The following PRKN variants were observed in gnomAD, a reference collection of about 807,000 sequenced individuals.
The protein encoded by PRKN is E3 ubiquitin-protein ligase parkin.
A neutral mutation model predicts 59.5 loss-of-function variants in PRKN; 56 were observed. The observed-to-expected ratio is 0.94, with a 90% CI of 0.76 to 1.18. The LOEUF is 1.18. Ranked by LOEUF, PRKN falls within the 50% of genes most tolerant of loss-of-function variation. The probability of loss-of-function intolerance (pLI) is 0.00; values close to 1 mark genes in which losing one functional copy is unlikely to be tolerated. For synonymous variants in PRKN, 250 were observed against 222.1 expected (o/e 1.13, Z -1.12); for missense variants, 657 against 596.4 (o/e 1.10, Z -1.06).
chr6:161,906,596 G>C (rs1778151384), intron 6 of PRKN, among the ~76,000 whole-genome samples: 2 of 150,192 alleles, frequency 1.3e-5, no homozygotes, highest in South Asian at 4.2e-4. Context: ...CTAGGGATCA[G>C]GGTGAGTTAT....
At chr6:162,356,684 T>C (rs1438998987) in intron 2 of PRKN, among the ~76,000 whole-genome samples, 4 of 141,358 alleles carry the variant, frequency 2.8e-5, no homozygotes, top group East Asian at 2.0e-4. Flanking sequence ...AGAACAAATA[T>C]CATTGGTACC....
At chr6:161,744,125 A>G (rs957368395) in intron 7 of PRKN, among the ~76,000 whole-genome samples, 1 of 152,102 alleles carries the variant, frequency 6.6e-6, no homozygotes, top group African/African-American at 2.4e-5. Flanking sequence ...AGCCAACTAT[A>G]AATATTCACT....
At chr6:161,735,109 A>G (rs1787909673) in intron 7 of PRKN, among the ~76,000 whole-genome samples, 1 of 151,652 alleles carries the variant, frequency 6.6e-6, no homozygotes. Flanking sequence ...CCTTGTAGAG[A>G]GAGGCTGAGG....
At chr6:161,644,425 T>C (rs1038312924) in intron 7 of PRKN, among the ~76,000 whole-genome samples, 1 of 152,190 alleles carries the variant, frequency 6.6e-6, no homozygotes, top group Non-Finnish European at 1.5e-5. Flanking sequence ...GGTTTATAAA[T>C]GGGAAGAAAG....
rs534533771 is a variant in PRKN, at chr6:162,137,635, T to C, written c.534+63496A>G. Among the ~76,000 whole-genome samples, 26 of 152,194 alleles carry C rather than the reference T, an allele frequency of 1.7e-4. No homozygotes were observed. In the South Asian group the frequency reaches 4.4e-3, roughly 25 times the overall value. On this transcript the variant is annotated intron_variant, in intron 4 of 11. Coordinates refer to ENST00000366898, the MANE Select transcript of PRKN (RefSeq NM_004562.3). The stretch of plus-strand genomic sequence containing the variant: ...ATCAAGGTGCTGGCATCTGGCAAGG[T>C]CTTTGTGTTGTGTCATGACATAGTG...
intron 1 of PRKN, among the ~76,000 whole-genome samples, chr6:162,638,739 C>CTTTTT (rs370517141): frequency 1.0e-5 from 1 of 99,660 alleles, no homozygotes; most frequent in Non-Finnish European, 1.9e-5. Context: ...CTAACTATCC[C>CTTTTT]TTTTTTTTTT....
rs1378501005 is a variant in PRKN at position 161,352,753 on chromosome 6, G to GTATATATATATATATA, written c.1286-2543_1286-2542insTATATATATATATATA. On this transcript the variant is annotated intron_variant, in intron 11 of 11. Coordinates refer to ENST00000366898, the MANE Select transcript of PRKN (RefSeq NM_004562.3). The surrounding 1 kb of genome is among the most constrained non-coding windows in gnomAD (Gnocchi z 5.8). ...TGTGTGTGTGTGTGTGTGTGTGTGT[G>GTATATATATATATATA]TGTATATATATATATATATTTTATT... Among the ~76,000 whole-genome samples the GTATATATATATATATA allele has an allele frequency of 8.5e-6, 1 of 118,134 alleles. No homozygotes were observed. Among genetic ancestry groups the GTATATATATATATATA allele is most frequent in the African/African-American group, 3.7e-5 (1 of 26,686 alleles). 77.5% of individuals were successfully genotyped at this position (118,134 alleles called of 152,430 possible). A position where few individuals can be genotyped will look rare whatever the true frequency, so the allele number is the denominator to read the frequency against.
In PRKN at chr6:161,929,050, CAGA is replaced by C. The variant is rs548659221; in HGVS notation, c.734+44249_734+44251del. 6.4e-4 allele frequency among the ~76,000 whole-genome samples: 97 copies of C among 152,176 alleles called. No individual in the cohort carries two copies. The East Asian group carries it at 0.016, about 25-fold the overall frequency. Reference sequence around the variant, plus strand: ...TCACAGCAGCAGTATTCACGATACCCAGAAGGTGGAGGTACTCCAAATGCCAAT... The same window carrying C: ...TCACAGCAGCAGTATTCACGATACCCAGGTGGAGGTACTCCAAATGCCAAT... On this transcript the variant is annotated intron_variant, in intron 6 of 11. Coordinates refer to ENST00000366898, the MANE Select transcript of PRKN (RefSeq NM_004562.3).
chr6:161,381,645 T>C (rs564317239), intron 10 of PRKN, among the ~76,000 whole-genome samples: 7 of 152,348 alleles, frequency 4.6e-5, no homozygotes, highest in African/African-American at 1.7e-4. Flanking sequence ...AATCCAGCCC[T>C]GAAGCTACTG....
At chr6:161,380,773 A>G (rs548190769) in intron 10 of PRKN, among the ~76,000 whole-genome samples, 109 of 152,322 alleles carry the variant, frequency 7.2e-4, no homozygotes, top group Non-Finnish European at 1.3e-3. Flanking sequence ...AATTCTCAAC[A>G]TTTAAAAATA....
chr6:161,659,903 T>G lies in PRKN; in HGVS notation c.872-90487A>C, dbSNP rs150864090. ...ACTGAGTCTGGACAGAGATGTGTTA[T>G]CTAAATCCCATTCATTACCGAGTTC... is the stretch of plus-strand genomic sequence containing the variant. On this transcript the variant is annotated intron_variant, in intron 7 of 11. Transcript: ENST00000366898. Among the ~76,000 whole-genome samples, 343 of 152,228 alleles carry G rather than the reference T, an allele frequency of 2.3e-3. 3 individuals are homozygous for G. The highest frequency in any genetic ancestry group is 7.8e-3 in the African/African-American group (324 of 41,530).
chr6:162,560,496 T>A (rs1779789116), intron 1 of PRKN, among the ~76,000 whole-genome samples: 1 of 152,140 alleles, frequency 6.6e-6, no homozygotes, highest in Admixed American at 6.5e-5. Context: ...TGGATCAATG[T>A]CTTATATTTT....
chr6:161,782,913 T>C (rs900375309), intron 7 of PRKN, among the ~76,000 whole-genome samples: 3 of 151,836 alleles, frequency 2.0e-5, no homozygotes, highest in Non-Finnish European at 2.9e-5. Context: ...AATTAATTAA[T>C]TAAAAAATTT....
chr6:161,737,688 T>C (rs1039336531), intron 7 of PRKN, among the ~76,000 whole-genome samples: 3 of 152,150 alleles, frequency 2.0e-5, no homozygotes, highest in Admixed American at 6.6e-5. Context: ...GGCAGGGCCT[T>C]GGACTGTAAA....
At chr6:161,796,064 G>T (rs963489534) in intron 6 of PRKN, among the ~76,000 whole-genome samples, 1 of 152,010 alleles carries the variant, frequency 6.6e-6, no homozygotes, top group Non-Finnish European at 1.5e-5. Flanking sequence ...GGTTGAATTG[G>T]GTTCCATTGT....
intron 6 of PRKN, among the ~76,000 whole-genome samples, chr6:161,829,185 G>A (rs1271269310): frequency 6.6e-6 from 1 of 152,060 alleles, no homozygotes; most frequent in African/African-American, 2.4e-5. Flanking sequence ...AAGATCACAC[G>A]ATTGCACTCC....
At chr6:161,935,961 G>C (rs892154954) in intron 6 of PRKN, among the ~76,000 whole-genome samples, 17 of 152,176 alleles carry the variant, frequency 1.1e-4, no homozygotes, top group African/African-American at 4.1e-4. Flanking sequence ...AGTTGAGCAA[G>C]CTTTCCTCTT....
At chr6:161,420,196 C>T (rs1026577526) in intron 9 of PRKN, among the ~76,000 whole-genome samples, 7 of 149,826 alleles carry the variant, frequency 4.7e-5, no homozygotes, top group Non-Finnish European at 7.4e-5. Flanking sequence ...CGAGATCATG[C>T]GCCGCTGCAC....
intron 4 of PRKN, among the ~76,000 whole-genome samples, chr6:162,133,971 T>A (rs887675412): frequency 1.8e-4 from 28 of 152,288 alleles, no homozygotes; most frequent in Non-Finnish European, 2.9e-4. Context: ...TAGTAGATGG[T>A]AAGTGTGAAG....
Sources: gnomAD v4.1 joint callset for allele counts (sites outside exome capture counted in the v4.1 genomes callset) on GRCh38, gnomAD v4.1.1 for gene constraint, Gnocchi (gnomAD v3.1) non-coding constraint, MANE v1.5 for transcripts, NCBI Gene and HGNC (gene_info 2026-07-23, HGNC 2026-07-21) for gene names.